The following ID2 variants were observed in gnomAD, a reference collection of about 807,000 sequenced individuals.
The protein encoded by ID2 is inhibitor of DNA binding 2, also known as DNA-binding protein inhibitor ID-2.
In ID2, 2 loss-of-function variants were observed where a neutral mutation model predicts 8.3. The observed-to-expected ratio is 0.24, with a 90% CI of 0.10 to 0.76. The LOEUF is 0.76. ID2 is among the 30% of genes least tolerant of loss of function. The pLI, the probability that ID2 is intolerant of heterozygous loss-of-function variation, is 0.73. For missense variants in ID2, 155 were observed against 167.0 expected (o/e 0.93, Z 0.40); for synonymous variants, 112 against 72.3 (o/e 1.55, Z -2.79).
chr2:8,682,744 T>A lies in ID2; in HGVS notation c.349-99T>A. 2.5e-5 allele frequency: 24 copies of A among 958,432 alleles called. No homozygotes were observed. In the South Asian group the frequency reaches 3.4e-4, roughly 13 times the overall value. The allele number at this position is 958,432 out of a possible 1,614,324, so 59.4% of individuals were successfully genotyped here. On this transcript the variant is annotated intron_variant, in intron 1 of 2. Transcript: ENST00000396290. ...TTACCATAAACGTGTTTAATGGAAC[T>A]TGCTGGTCTGTGGACTACAAAAAAA... is the stretch of plus-strand genomic sequence containing the variant.
intron 2 of ID2, among the ~76,000 whole-genome samples, chr2:8,683,269 G>A (rs919843243): frequency 6.6e-6 from 1 of 152,188 alleles, no homozygotes; most frequent in African/African-American, 2.4e-5. Context: ...AAATTCCATA[G>A]TGATCCTCCT....
In ID2 at chr2:8,682,975, T is replaced by G; in HGVS notation, c.*7+69T>G. ...TGTGTGTGCGCGCGCGCGCATGTGT[T>G]TTTGCTTGTGTATCTATAAAATGTC... On this transcript the variant is annotated intron_variant, in intron 2 of 2. Transcript: ENST00000396290. 3.4e-6 allele frequency: 4 copies of G among 1,163,510 alleles called. No homozygotes were observed. In the South Asian group the frequency reaches 4.9e-5, roughly 14 times the overall value. 72.1% of individuals were successfully genotyped at this position (1,163,510 alleles called of 1,614,324 possible). A position where few individuals can be genotyped will look rare whatever the true frequency, so the allele number is the denominator to read the frequency against.
rs1159155597 is a variant in ID2 at position 8,682,086 on chromosome 2, C to T, written c.-80C>T. ...GAGCCGAGCCCGGTGCCAAGCGCAG[C>T]TAGCTCAGCAGGCGGCAGCGGCGGC... On this transcript the variant is annotated 5_prime_UTR_variant, in exon 1 of 3. Transcript: ENST00000396290. 9 of 1,175,228 alleles carry T rather than the reference C, an allele frequency of 7.7e-6. No homozygotes were observed. Among genetic ancestry groups the T allele is most frequent in the Non-Finnish European group, 9.8e-6 (8 of 814,936 alleles). The allele number at this position is 1,175,228 out of a possible 1,614,324, so 72.8% of individuals were successfully genotyped here.
In ID2 at chr2:8,682,409, C is replaced by A. The variant is rs763639723; in HGVS notation, c.244C>A (p.His82Asn). 4.3e-6 allele frequency: 7 copies of A among 1,613,770 alleles called. No individual in the cohort carries two copies. The Admixed American group carries it at 8.3e-5, about 19-fold the overall frequency. Residue 82 changes from histidine to asparagine, a missense_variant, in exon 1 of 3, where the codon CAT becomes AAT. His to Asn is a moderately conservative substitution (Grantham distance 68). This residue lies in a region of ID2 where 75 missense variants were observed against 72.2 expected (regional missense o/e 1.04). Transcript: ENST00000396290. ...ILDLQIALDS[H>N]PTIVSLHHQR... Reference sequence around the variant, plus strand: ...GGACCTGCAGATCGCCCTGGACTCGCATCCCACTATTGTCAGCCTGCATCA... The same window carrying A: ...GGACCTGCAGATCGCCCTGGACTCGAATCCCACTATTGTCAGCCTGCATCA...
chr2:8,682,786 AAC>A, intron 1 of ID2, 55 bp from the exon 2 acceptor site: 6 of 1,319,298 alleles, frequency 4.5e-6, no homozygotes, highest in Non-Finnish European at 5.3e-6. Context: ...AAAAAAAAAA[AAC>A]CCTTTCTACT....
intron 1 of ID2, 23 bp from the exon 2 acceptor site, chr2:8,682,820 C>T (rs200323055): frequency 1.3e-5 from 20 of 1,490,126 alleles, no homozygotes; most frequent in African/African-American, 1.3e-4. Context: ...TAACCTCGTA[C>T]TCTTTATCCT....
rs376944573 is a variant in ID2, at chr2:8,682,160, G to T, written c.-6G>T. ...CCTCCCGGTCTCGCCTTCCCTCGCG[G>T]TCAGCATGAAAGCCTTCAGTCCCGT... On this transcript the variant is annotated 5_prime_UTR_variant, in exon 1 of 3. Transcript: ENST00000396290. 1.9e-6 allele frequency: 3 copies of T among 1,609,578 alleles called. No individual in the cohort carries two copies. The highest frequency in any genetic ancestry group is 2.7e-5 in the African/African-American group (2 of 74,830).
chr2:8,682,510 G>T lies in ID2; in HGVS notation c.345G>T (p.Leu115Phe). ...TLNTDISILS[L>F]QASEFPSELM... Reference sequence around the variant, plus strand: ...ACACGGATATCAGCATCCTGTCCTTGCAGGTAAGACCTGCTCCGGGGTCCC... The same window carrying T: ...ACACGGATATCAGCATCCTGTCCTTTCAGGTAAGACCTGCTCCGGGGTCCC... Residue 115 changes from leucine to phenylalanine, a missense_variant, in exon 1 of 3, where the codon TTG (leucine) becomes TTT (phenylalanine). By Grantham distance (22) the Leu-to-Phe change is conservative. Around this residue, in one of 3 missense-constraint regions of ID2, gnomAD observed 75 missense variants for 72.2 expected, o/e 1.04. Coordinates refer to ENST00000396290, the MANE Select transcript of ID2 (RefSeq NM_002166.5). 1 of 1,611,512 alleles carries T rather than the reference G, an allele frequency of 6.2e-7. No homozygotes were observed. Among genetic ancestry groups the T allele is most frequent in the Admixed American group, 1.7e-5 (1 of 59,968 alleles).
intron 1 of ID2, 49 bp from the exon 2 acceptor site, chr2:8,682,794 C>G: frequency 8.3e-6 from 9 of 1,078,420 alleles, no homozygotes; most frequent in African/African-American, 1.7e-5. Context: ...AAAACCCTTT[C>G]TACTTAACAT....
At chr2:8,682,969 A>G (rs1662130111) in intron 2 of ID2, 63 bp downstream of exon 2, 4 of 1,254,408 alleles carry the variant, frequency 3.2e-6, no homozygotes, top group Non-Finnish European at 4.7e-6. Context: ...GCGCGCGCGC[A>G]TGTGTTTTTG....
Position 8,682,693 on chromosome 2 carries a change from A to G in ID2, c.349-150A>G, listed in dbSNP as rs368579953. On this transcript the variant is annotated intron_variant, in intron 1 of 2. Coordinates refer to ENST00000396290, the MANE Select transcript of ID2 (RefSeq NM_002166.5). Reference sequence around the variant, plus strand: ...ATTGCTAGTAAGTTCTGACATGTTAATGCGTCTGTCTTTAAATCTGAATTG... The same window carrying G: ...ATTGCTAGTAAGTTCTGACATGTTAGTGCGTCTGTCTTTAAATCTGAATTG... 5.8e-5 allele frequency: 42 copies of G among 728,790 alleles called. 2 individuals are homozygous for G. Among genetic ancestry groups the G allele is most frequent in the Admixed American group, 2.1e-4 (8 of 38,862 alleles). 45.1% of individuals were successfully genotyped at this position (728,790 alleles called of 1,614,324 possible). A position where few individuals can be genotyped will look rare whatever the true frequency, so the allele number is the denominator to read the frequency against.
rs1662094231 is a variant in ID2, at chr2:8,682,157, G to C, written c.-9G>C. Reference sequence around the variant, plus strand: ...CTCCCTCCCGGTCTCGCCTTCCCTCGCGGTCAGCATGAAAGCCTTCAGTCC... The same window carrying C: ...CTCCCTCCCGGTCTCGCCTTCCCTCCCGGTCAGCATGAAAGCCTTCAGTCC... On this transcript the variant is annotated 5_prime_UTR_variant, in exon 1 of 3. Transcript: ENST00000396290. 1 of 1,607,956 alleles carries C rather than the reference G, an allele frequency of 6.2e-7. No homozygotes were observed. Among genetic ancestry groups the C allele is most frequent in the African/African-American group, 1.3e-5 (1 of 74,904 alleles).
At chr2:8,683,622 CG>C (rs1469503549) in intron 2 of ID2, 62 bp from the exon 3 acceptor site, 1 of 152,278 alleles carries the variant, frequency 6.6e-6, no homozygotes, top group Non-Finnish European at 1.5e-5. Context: ...CGGCGCCAGT[CG>C]CCCGCCTCTG....
chr2:8,682,394 A>C lies in ID2; in HGVS notation c.229A>C (p.Ile77Leu), dbSNP rs774238348. The C allele has an allele frequency of 5.0e-6, 8 of 1,613,778 alleles. No homozygotes were observed. Among genetic ancestry groups the C allele is most frequent in the East Asian group, 2.2e-5 (1 of 44,892 alleles). ...CATCGACTACATCTTGGACCTGCAG[A>C]TCGCCCTGGACTCGCATCCCACTAT... ...HVIDYILDLQ[I>L]ALDSHPTIVS... Residue 77 changes from isoleucine to leucine, a missense_variant, in exon 1 of 3, where the codon ATC becomes CTC. Coordinates refer to ENST00000396290, the MANE Select transcript of ID2 (RefSeq NM_002166.5).
chr2:8,682,836 T>G lies in ID2; in HGVS notation c.349-7T>G. ...AACCTCGTACTCTTTATCCTCTTTC[T>G]TTCCAGGCTTCTGAATTCCCTTCTG... On this transcript the variant is annotated splice_region_variant and splice_polypyrimidine_tract_variant and intron_variant, in intron 1 of 2. Coordinates refer to ENST00000396290, the MANE Select transcript of ID2 (RefSeq NM_002166.5). 1 of 1,610,436 alleles carries G rather than the reference T, an allele frequency of 6.2e-7. No homozygotes were observed. Among genetic ancestry groups the G allele is most frequent in the African/African-American group, 1.3e-5 (1 of 74,946 alleles).
At position 8,682,136 on chromosome 2, in the gene ID2, C is replaced by G. The variant is rs56393729; in HGVS notation, c.-30C>G. 22 of 1,582,510 alleles carry G rather than the reference C, an allele frequency of 1.4e-5. No homozygotes were observed. Among genetic ancestry groups the G allele is most frequent in the Non-Finnish European group, 1.8e-5 (21 of 1,156,526 alleles). On this transcript the variant is annotated 5_prime_UTR_variant, in exon 1 of 3. Coordinates refer to ENST00000396290, the MANE Select transcript of ID2 (RefSeq NM_002166.5). ...CCTGAGCTTCAGGGCAGCCAGCTCC[C>G]TCCCGGTCTCGCCTTCCCTCGCGGT...
Position 8,684,247 on chromosome 2 carries a change from CTAAACTTTTTATAAAAG to C in ID2, c.*572_*588del, listed in dbSNP as rs2147896199. On this transcript the variant is annotated 3_prime_UTR_variant, in exon 3 of 3. Coordinates refer to ENST00000396290, the MANE Select transcript of ID2 (RefSeq NM_002166.5). ...AAGTGTAATGATGTACTTATTCATGCTAAACTTTTTATAAAAGTTTAGTTGTAAACTTAACCCTTTTA... is the reference window on the plus strand; with the variant it reads ...AAGTGTAATGATGTACTTATTCATGCTTTAGTTGTAAACTTAACCCTTTTA... The C allele has an allele frequency of 6.6e-6, 1 of 152,440 alleles. No individual in the cohort carries two copies. Among genetic ancestry groups the C allele is most frequent in the East Asian group, 1.9e-4 (1 of 5,190 alleles). The allele number at this position is 152,440 out of a possible 1,614,324, so 9.4% of individuals were successfully genotyped here. A position where few individuals can be genotyped will look rare whatever the true frequency, so the allele number is the denominator to read the frequency against.
In ID2 at chr2:8,682,140, C is replaced by T; in HGVS notation, c.-26C>T. On this transcript the variant is annotated 5_prime_UTR_variant, in exon 1 of 3. Coordinates refer to ENST00000396290, the MANE Select transcript of ID2 (RefSeq NM_002166.5). Reference sequence around the variant, plus strand: ...AGCTTCAGGGCAGCCAGCTCCCTCCCGGTCTCGCCTTCCCTCGCGGTCAGC... The same window carrying T: ...AGCTTCAGGGCAGCCAGCTCCCTCCTGGTCTCGCCTTCCCTCGCGGTCAGC... The T allele has an allele frequency of 3.8e-6, 6 of 1,587,816 alleles. No individual in the cohort carries two copies. The highest frequency in any genetic ancestry group is 4.3e-6 in the Non-Finnish European group (5 of 1,160,682).
rs757979957 is a variant in ID2 at position 8,682,133 on chromosome 2, T to C, written c.-33T>C. Reference sequence around the variant, plus strand: ...CGGCCTGAGCTTCAGGGCAGCCAGCTCCCTCCCGGTCTCGCCTTCCCTCGC... The same window carrying C: ...CGGCCTGAGCTTCAGGGCAGCCAGCCCCCTCCCGGTCTCGCCTTCCCTCGC... On this transcript the variant is annotated 5_prime_UTR_variant, in exon 1 of 3. Coordinates refer to ENST00000396290, the MANE Select transcript of ID2 (RefSeq NM_002166.5). 1.3e-6 allele frequency: 2 copies of C among 1,568,764 alleles called. No homozygotes were observed. Among genetic ancestry groups the C allele is most frequent in the Non-Finnish European group, 1.7e-6 (2 of 1,145,258 alleles).
Sources: allele counts gnomAD v4.1 joint callset (sites outside exome capture counted in the v4.1 genomes callset), GRCh38; gene constraint gnomAD v4.1.1; regional missense constraint gnomAD v4.1.1; transcripts MANE v1.5; gene names NCBI Gene and HGNC (gene_info 2026-07-23, HGNC 2026-07-21).